CEP192: variants seen among roughly 807,000 people sequenced by gnomAD.
CEP192 encodes centrosomal protein 192, also known as centrosomal protein of 192 kDa.
In CEP192, 151 loss-of-function variants were observed where a neutral mutation model predicts 271.8. That is an observed-to-expected ratio of 0.56 (90% CI 0.49 to 0.64). CEP192 has a LOEUF of 0.64. Among genes scored for constraint, CEP192 ranks in the 30% least tolerant of loss-of-function variants. CEP192 has a pLI of 0.00. For missense variants in CEP192, 2,910 were observed against 3,020.5 expected, an observed-to-expected ratio of 0.96 and a Z score of 0.86; for synonymous variants, 995 against 1,076.5, an observed-to-expected ratio of 0.92 and a Z score of 1.48.
intron 44 of CEP192, among the ~76,000 whole-genome samples, chr18:13,123,853 T>C (rs2040784412): frequency 6.6e-6 from 1 of 152,210 alleles, no homozygotes; most frequent in South Asian, 2.1e-4. Flanking sequence ...GTAAAGTTTC[T>C]AGAATATTTT....
chr18:13,105,082 A>G lies in CEP192; in HGVS notation c.7047+3A>G. 6.2e-7 allele frequency: 1 copy of G among 1,604,978 alleles called. No individual in the cohort carries two copies. Among genetic ancestry groups the G allele is most frequent in the South Asian group, 1.1e-5 (1 of 90,858 alleles). On this transcript the variant is annotated splice_donor_region_variant and intron_variant, in intron 40 of 44. Transcript: ENST00000506447. ...TGGAAAGCCATGGGATCCAAAAAGT[A>G]GGTTTTGATATTTTTTTCCATAGGA...
At chr18:13,090,712 A>C (rs879491106) in intron 33 of CEP192, among the ~76,000 whole-genome samples, 1 of 152,166 alleles carries the variant, frequency 6.6e-6, no homozygotes, top group Non-Finnish European at 1.5e-5. Context: ...GAGCAAAGGA[A>C]AAAAACCTTG....
At chr18:12,998,912 A>G (rs1323016511) in intron 1 of CEP192, among the ~76,000 whole-genome samples, 1 of 152,202 alleles carries the variant, frequency 6.6e-6, no homozygotes, top group Admixed American at 6.5e-5. Context: ...TGTGCCAACT[A>G]TACTTTAACT....
At chr18:13,104,527 G>A (rs2039863944) in intron 39 of CEP192, among the ~76,000 whole-genome samples, 1 of 152,138 alleles carries the variant, frequency 6.6e-6, no homozygotes. Context: ...TGGGAGGATC[G>A]CTTGAGCCCA....
In CEP192 at chr18:13,099,578, G is replaced by C; in HGVS notation, c.6660G>C (p.Gln2220His). The C allele has an allele frequency of 6.6e-7, 1 of 1,513,444 alleles. No individual in the cohort carries two copies. Among genetic ancestry groups the C allele is most frequent in the Non-Finnish European group, 8.9e-7 (1 of 1,120,218 alleles). 93.8% of individuals were successfully genotyped at this position (1,513,444 alleles called of 1,614,324 possible). Residue 2220 changes from glutamine to histidine, a missense_variant, in exon 37 of 45, where the codon CAG (glutamine) becomes CAC (histidine). Transcript: ENST00000506447. ...TCTATATACACTGTGACGATGGACA[G>C]AAGGTACTTTTAAAAGTGGTTTGGT... ...GLIYIHCDDGQKKIVKVQIRE... is the reference protein window; with the variant it reads ...GLIYIHCDDGHKKIVKVQIRE...
At chr18:13,069,065 T>A (rs772489110) in intron 25 of CEP192, 24 bp from the exon 26 acceptor site, 1 of 1,614,162 alleles carries the variant, frequency 6.2e-7, no homozygotes, top group South Asian at 1.1e-5. Context: ...TTCGTTGAAA[T>A]GTCTGTCTTG....
Position 13,030,611 on chromosome 18 carries a change from A to G in CEP192, c.1534+3A>G. ...GAATGAAGACTTCAGATCTGGTTGTAAGTATATGGATAAACATTTATTATA... is the reference window on the plus strand; with the variant it reads ...GAATGAAGACTTCAGATCTGGTTGTGAGTATATGGATAAACATTTATTATA... On this transcript the variant is annotated splice_donor_region_variant and intron_variant, in intron 11 of 44. Transcript: ENST00000506447. 6.3e-7 allele frequency: 1 copy of G among 1,591,830 alleles called. No individual in the cohort carries two copies. The highest frequency in any genetic ancestry group is 2.2e-5 in the East Asian group (1 of 44,680).
intron 6 of CEP192, 128 bp downstream of exon 6, chr18:13,015,576 C>T: frequency 1.3e-6 from 1 of 762,650 alleles, no homozygotes; most frequent in Non-Finnish European, 2.2e-6. Flanking sequence ...TACCTGCCAG[C>T]ACTCAAATGG....
At chr18:13,124,380 A>G (rs1176231392) in intron 44 of CEP192, 1 of 331,096 alleles carries the variant, frequency 3.0e-6, no homozygotes, top group Non-Finnish European at 5.5e-6. Flanking sequence ...TTTCCTTTTT[A>G]TATATTAATA....
rs2037863273 is a variant in CEP192 at position 13,068,965 on chromosome 18, A to G, written c.4936A>G (p.Arg1646Gly). ...TCTCCGAGCAAGAGCAGGAATAGCT[A>G]GGATCCATGCTCCCAGGGACTTGCA... ...VSLRARAGIA[R>G]IHAPRDLQTM... Residue 1646 changes from arginine (R) to glycine (G), a missense_variant, in exon 25 of 45, where the codon AGG (arginine) becomes GGG (glycine). Transcript: ENST00000506447. 1 of 1,614,078 alleles carries G rather than the reference A, an allele frequency of 6.2e-7. No homozygotes were observed. The highest frequency in any genetic ancestry group is 8.5e-7 in the Non-Finnish European group (1 of 1,180,018).
chr18:13,003,488 G>A (rs1437063170), intron 3 of CEP192, among the ~76,000 whole-genome samples: 1 of 149,118 alleles, frequency 6.7e-6, no homozygotes, highest in African/African-American at 2.5e-5. Flanking sequence ...TATGAGCCAA[G>A]ACTTGAGGGA....
At chr18:12,996,849 A>G (rs1256383996) in intron 1 of CEP192, among the ~76,000 whole-genome samples, 7 of 152,276 alleles carry the variant, frequency 4.6e-5, no homozygotes, top group Admixed American at 3.9e-4. Context: ...GCTGATGCTG[A>G]CAAGCATTTT....
chr18:13,077,337 C>T (rs1332416596), intron 30 of CEP192, among the ~76,000 whole-genome samples: 3 of 152,100 alleles, frequency 2.0e-5, no homozygotes, highest in African/African-American at 7.2e-5. Context: ...AGGAAATGCT[C>T]TTTGGAGCAT....
intron 40 of CEP192, 129 bp from the exon 41 acceptor site, chr18:13,113,457 G>A: frequency 2.3e-6 from 2 of 861,134 alleles, no homozygotes; most frequent in Non-Finnish European, 3.7e-6. Context: ...TCAATTAATG[G>A]CAAAACTAGC....
At chr18:13,052,886 G>T in intron 17 of CEP192, 33 bp from the exon 18 acceptor site, 1 of 1,488,666 alleles carries the variant, frequency 6.7e-7, no homozygotes, top group Non-Finnish European at 9.0e-7. Context: ...AAGGACTGGA[G>T]AACTCCAGGT....
chr18:12,996,269 T>C (rs1038107402), intron 1 of CEP192, among the ~76,000 whole-genome samples: 3 of 152,028 alleles, frequency 2.0e-5, no homozygotes, highest in African/African-American at 7.3e-5. Flanking sequence ...TGTATAACTC[T>C]AGAGATTTGC....
At chr18:13,039,260 A>G (rs769690326) in intron 13 of CEP192, among the ~76,000 whole-genome samples, 25 of 152,058 alleles carry the variant, frequency 1.6e-4, no homozygotes, top group Non-Finnish European at 2.9e-4. Context: ...TTCGAGACCA[A>G]CCGGCCAACA....
chr18:13,091,536 A>T (rs1057363006), intron 33 of CEP192, among the ~76,000 whole-genome samples: 1 of 152,350 alleles, frequency 6.6e-6, no homozygotes, highest in African/African-American at 2.4e-5. Flanking sequence ...GCATGTTACT[A>T]TTCCAAGGAT....
chr18:13,124,671 G>A lies in CEP192; in HGVS notation c.7515G>A (p.Pro2505=), dbSNP rs144243225. ...TCAACATGCCCGTGCAGTTCAAACCGAAGTCCGCAGGCAAATTTGAAGCTT... is the reference window on the plus strand; with the variant it reads ...TCAACATGCCCGTGCAGTTCAAACCAAAGTCCGCAGGCAAATTTGAAGCTT... ...HYINMPVQFK[P]KSAGKFEALL... Residue 2505 remains proline, a synonymous_variant, in exon 45 of 45, where the codon CCG becomes CCA. Coordinates refer to ENST00000506447, the MANE Select transcript of CEP192 (RefSeq NM_032142.4). 8.7e-5 allele frequency: 141 copies of A among 1,613,868 alleles called. No individual in the cohort carries two copies. The East Asian group carries it at 2.6e-3, about 30-fold the overall frequency.
Sources: allele counts gnomAD v4.1 joint callset (sites outside exome capture counted in the v4.1 genomes callset), GRCh38; gene constraint gnomAD v4.1.1; transcripts MANE v1.5; gene names NCBI Gene and HGNC (gene_info 2026-07-23, HGNC 2026-07-21).